The following WNT3A variants were observed in gnomAD, a reference collection of about 807,000 sequenced individuals.
WNT3A encodes Wnt family member 3A.
Under a neutral mutation model 37.0 loss-of-function variants are expected in WNT3A, and 17 were observed. That is an observed-to-expected ratio of 0.46 (90% CI 0.31 to 0.69). WNT3A has a LOEUF of 0.69. Among genes scored for constraint, WNT3A ranks in the 30% least tolerant of loss-of-function variants. The pLI is 0.05. For missense variants in WNT3A, 411 were observed against 510.2 expected (o/e 0.81, Z 1.87); for synonymous variants, 187 against 211.0 (o/e 0.89, Z 0.99).
At chr1:228,043,040 T>TGGATGGATGGATGGAG (rs2031325876) in intron 2 of WNT3A, among the ~76,000 whole-genome samples, 1 of 151,558 alleles carries the variant, frequency 6.6e-6, no homozygotes, top group African/African-American at 2.4e-5. Context: ...GATGGATGGA[T>TGGATGGATGGATGGAG]GATGCACGAT....
chr1:228,009,156 G>T (rs2030297780), intron 1 of WNT3A, among the ~76,000 whole-genome samples: 1 of 152,082 alleles, frequency 6.6e-6, no homozygotes, highest in African/African-American at 2.4e-5. Context: ...CACACTTGGG[G>T]ATTCTCTGCT....
At chr1:228,051,261 A>C (rs766854788) in intron 3 of WNT3A, among the ~76,000 whole-genome samples, 1 of 152,082 alleles carries the variant, frequency 6.6e-6, no homozygotes, top group Admixed American at 6.6e-5. Context: ...AAATGCAGGC[A>C]CACAAGGTGA....
chr1:228,036,027 G>A (rs1328004067), intron 2 of WNT3A, among the ~76,000 whole-genome samples: 1 of 152,172 alleles, frequency 6.6e-6, no homozygotes, highest in Non-Finnish European at 1.5e-5. Context: ...TGGGAGGAAG[G>A]AGCCCGCCGG....
intron 2 of WNT3A, among the ~76,000 whole-genome samples, chr1:228,032,225 C>A (rs1457197237): frequency 6.6e-6 from 1 of 152,216 alleles, no homozygotes; most frequent in African/African-American, 2.4e-5. Flanking sequence ...AGGAAGCTAG[C>A]CTCATGAGTC....
chr1:228,014,083 G>C (rs895312081), intron 1 of WNT3A, among the ~76,000 whole-genome samples: 1 of 152,170 alleles, frequency 6.6e-6, no homozygotes, highest in Non-Finnish European at 1.5e-5. Flanking sequence ...ATCCTGGAGG[G>C]GTGGCCCTGG....
chr1:228,026,096 T>G (rs1246690908), intron 2 of WNT3A, among the ~76,000 whole-genome samples: 2 of 151,690 alleles, frequency 1.3e-5, no homozygotes, highest in East Asian at 1.9e-4. Flanking sequence ...GATTTTCCAT[T>G]GTTAATATAT....
At chr1:228,035,344 G>GT (rs2031111896) in intron 2 of WNT3A, among the ~76,000 whole-genome samples, 4 of 152,196 alleles carry the variant, frequency 2.6e-5, no homozygotes, top group African/African-American at 9.7e-5. Flanking sequence ...CATGAACCTT[G>GT]GCAGCCTGGC....
At chr1:228,009,526 C>T (rs2030309251) in intron 1 of WNT3A, among the ~76,000 whole-genome samples, 1 of 152,164 alleles carries the variant, frequency 6.6e-6, no homozygotes, top group Non-Finnish European at 1.5e-5. Context: ...GACCTTGGCC[C>T]CTGCCAGGTG....
intron 1 of WNT3A, among the ~76,000 whole-genome samples, chr1:228,013,948 C>G (rs1428682611): frequency 1.3e-5 from 2 of 152,212 alleles, no homozygotes; most frequent in Non-Finnish European, 2.9e-5. Context: ...CCCACCTGCC[C>G]AAGCAGGACC....
intron 2 of WNT3A, among the ~76,000 whole-genome samples, chr1:228,035,136 C>T (rs980126771): frequency 6.6e-6 from 1 of 152,154 alleles, no homozygotes; most frequent in African/African-American, 2.4e-5. Context: ...GAGGGCTTCC[C>T]AGGGGAGGTG....
chr1:228,029,205 C>A (rs1197634018), intron 2 of WNT3A, among the ~76,000 whole-genome samples: 1 of 152,170 alleles, frequency 6.6e-6, no homozygotes, highest in Admixed American at 6.5e-5. Flanking sequence ...CTAACAATGT[C>A]GGTACTAACC....
intron 2 of WNT3A, among the ~76,000 whole-genome samples, chr1:228,028,292 A>ATTTTTT (rs56294253): frequency 2.5e-5 from 3 of 120,220 alleles, no homozygotes; most frequent in Non-Finnish European, 5.0e-5. Context: ...GTTACATATA[A>ATTTTTT]TTTTTTTTTT....
chr1:228,042,399 G>A lies in WNT3A; in HGVS notation c.314-8257G>A, dbSNP rs2031304969. ...ACTCTCAGATCCTGGATGGATGGAT[G>A]GATGATGGATGGATGGTGGGTGGTG... is the stretch of plus-strand genomic sequence containing the variant. On this transcript the variant is annotated intron_variant, in intron 2 of 3. Coordinates refer to ENST00000284523, the MANE Select transcript of WNT3A (RefSeq NM_033131.4). The surrounding 1 kb of genome is among the most constrained non-coding windows in gnomAD (Gnocchi z 5.2). Among the ~76,000 whole-genome samples, 1 of 152,170 alleles carries A rather than the reference G, an allele frequency of 6.6e-6. No individual in the cohort carries two copies. Among genetic ancestry groups the A allele is most frequent in the Non-Finnish European group, 1.5e-5 (1 of 68,036 alleles).
intron 1 of WNT3A, among the ~76,000 whole-genome samples, chr1:228,015,489 A>G (rs934415057): frequency 6.6e-6 from 1 of 152,154 alleles, no homozygotes; most frequent in African/African-American, 2.4e-5. Context: ...GGGAGAGGGA[A>G]TGAATTCCTC....
rs2031780795 is a variant in WNT3A at position 228,060,444 on chromosome 1, C to T, written c.*979C>T. On this transcript the variant is annotated 3_prime_UTR_variant, in exon 4 of 4. Transcript: ENST00000284523. ...GTTTGACCACCCACCTGACCAGGGG[C>T]CCTACCTGGGGAAAGCCTGAAGGGC... is the stretch of plus-strand genomic sequence containing the variant. 1.8e-6 allele frequency: 1 copy of T among 546,466 alleles called. No homozygotes were observed. The highest frequency in any genetic ancestry group is 2.9e-6 in the Non-Finnish European group (1 of 348,530). The allele number at this position is 546,466 out of a possible 1,614,324, so 33.9% of individuals were successfully genotyped here.
intron 2 of WNT3A, among the ~76,000 whole-genome samples, chr1:228,044,923 T>TGTCTTCA (rs1252161131): frequency 6.6e-6 from 1 of 152,190 alleles, no homozygotes; most frequent in Non-Finnish European, 1.5e-5. Flanking sequence ...AGAGACTTCT[T>TGTCTTCA]GTCTTCAGTC....
chr1:228,043,047 C>A (rs1320655545), intron 2 of WNT3A, among the ~76,000 whole-genome samples: 1 of 148,050 alleles, frequency 6.8e-6, no homozygotes, highest in Admixed American at 6.7e-5. Flanking sequence ...GGATGATGCA[C>A]GATAGATGAA....
chr1:228,059,458 G>T lies in WNT3A; in HGVS notation c.1052G>T (p.Cys351Phe). 1 of 1,508,304 alleles carries T rather than the reference G, an allele frequency of 6.6e-7. No individual in the cohort carries two copies. The allele number at this position is 1,508,304 out of a possible 1,614,324, so 93.4% of individuals were successfully genotyped here. Reference protein sequence around the residue: ...ECTRVYDVHTCK With the variant: ...ECTRVYDVHTFK ...ACGCGCGTCTACGACGTGCACACCT[G>T]CAAGTAGGCACCGGCCGCGGCTCCC... Residue 351 changes from cysteine (C) to phenylalanine (F), a missense_variant, in exon 4 of 4, where the codon TGC (cysteine) becomes TTC (phenylalanine). By Grantham distance (205) the Cys-to-Phe change is radical (BLOSUM62 -2). Coordinates refer to ENST00000284523, the MANE Select transcript of WNT3A (RefSeq NM_033131.4).
Position 228,050,328 on chromosome 1 carries a change from A to G in WNT3A, c.314-328A>G, listed in dbSNP as rs1046253137. Among the ~76,000 whole-genome samples the G allele has an allele frequency of 1.3e-5, 2 of 152,202 alleles. No homozygotes were observed. Among genetic ancestry groups the G allele is most frequent in the South Asian group, 4.1e-4 (2 of 4,832 alleles). ...GGCATGAGCCACTGTACTTAGCCAAAGTTGCTTGTTAAAAAGAGCCTGGTA... is the reference window on the plus strand; with the variant it reads ...GGCATGAGCCACTGTACTTAGCCAAGGTTGCTTGTTAAAAAGAGCCTGGTA... On this transcript the variant is annotated intron_variant, in intron 2 of 3. Transcript: ENST00000284523. The surrounding 1 kb of genome is among the most constrained non-coding windows in gnomAD (Gnocchi z 5.0).
Sources: allele counts gnomAD v4.1 joint callset (sites outside exome capture counted in the v4.1 genomes callset), GRCh38; gene constraint gnomAD v4.1.1; non-coding constraint Gnocchi (gnomAD v3.1); transcripts MANE v1.5; gene names NCBI Gene and HGNC (gene_info 2026-07-23, HGNC 2026-07-21).